The following CDH13 variants were observed in gnomAD, a reference collection of about 807,000 sequenced individuals.
CDH13 encodes cadherin 13, also known as cadherin-13.
CDH13 carries 24 observed loss-of-function variants against 63.8 expected under a neutral mutation model. The ratio of observed to expected loss-of-function variants is 0.38; its 90% CI spans 0.27 to 0.53. The LOEUF is 0.53. Among genes scored for constraint, CDH13 ranks in the 20% least tolerant of loss-of-function variants. The pLI is 0.85. For synonymous variants in CDH13, 503 were observed against 355.3 expected (o/e 1.42, Z -4.67); for missense variants, 1,049 against 903.1 (o/e 1.16, Z -2.07).
intron 3 of CDH13, among the ~76,000 whole-genome samples, chr16:83,070,774 A>T (rs1362796652): frequency 3.3e-5 from 5 of 152,088 alleles, no homozygotes; most frequent in Non-Finnish European, 5.9e-5. Context: ...TTCAAATGTA[A>T]AAACCTAGTT....
chr16:82,897,148 CA>C (rs1458943808), intron 2 of CDH13, among the ~76,000 whole-genome samples: 3 of 151,944 alleles, frequency 2.0e-5, no homozygotes, highest in South Asian at 2.1e-4. Flanking sequence ...AGTTGCCCAT[CA>C]AAAAAGTTTT....
At chr16:83,148,204 C>G (rs773947705) in intron 4 of CDH13, among the ~76,000 whole-genome samples, 2 of 152,208 alleles carry the variant, frequency 1.3e-5, no homozygotes, top group African/African-American at 4.8e-5. Flanking sequence ...TCCCAAAGTG[C>G]TGGGATTACA....
intron 2 of CDH13, among the ~76,000 whole-genome samples, chr16:82,977,359 A>G (rs13331924): frequency 1.3e-5 from 2 of 152,150 alleles, no homozygotes; most frequent in African/African-American, 4.8e-5. Flanking sequence ...AGTCACCCAC[A>G]TGCACACTGA....
intron 10 of CDH13, among the ~76,000 whole-genome samples, chr16:83,746,531 C>T (rs1912599621): frequency 6.6e-6 from 1 of 152,120 alleles, no homozygotes; most frequent in African/African-American, 2.4e-5. Flanking sequence ...TATCTTTTTC[C>T]CGTGAAGACT....
chr16:83,047,886 A>T lies in CDH13; in HGVS notation c.366+15668A>T, dbSNP rs1386931198. Among the ~76,000 whole-genome samples the T allele has an allele frequency of 6.6e-6, 1 of 152,236 alleles. No homozygotes were observed. The highest frequency in any genetic ancestry group is 1.5e-5 in the Non-Finnish European group (1 of 68,044). ...TATTTTATCTTCATTTTACAGGTGA[A>T]TAAAGGAAGACGGGGAGACTATGTG... On this transcript the variant is annotated intron_variant, in intron 3 of 13. Transcript: ENST00000567109. The surrounding 1 kb of genome is among the most constrained non-coding windows in gnomAD (Gnocchi z 4.9).
chr16:82,950,220 A>G (rs1905151089), intron 2 of CDH13, among the ~76,000 whole-genome samples: 1 of 152,106 alleles, frequency 6.6e-6, no homozygotes, highest in South Asian at 2.1e-4. Context: ...GAGGTTTGCT[A>G]GAAACCTTTG....
chr16:82,694,584 A>G (rs925217585), intron 1 of CDH13, among the ~76,000 whole-genome samples: 6 of 152,102 alleles, frequency 3.9e-5, no homozygotes, highest in Non-Finnish European at 8.8e-5. Flanking sequence ...ATTCCCAATC[A>G]TCTTCTAAAA....
chr16:83,572,175 G>GGGGTGT (rs1555575571), intron 7 of CDH13, among the ~76,000 whole-genome samples: 4 of 145,586 alleles, frequency 2.7e-5, no homozygotes, highest in Admixed American at 6.9e-5. Context: ...ACTTTCCTGT[G>GGGGTGT]GTGTGTGTGT....
rs565460863 is a variant in CDH13, at chr16:82,783,604, C to T, written c.46-74758C>T. ...TGCAGTGATTCTTTTCCTCCCTGAG[C>T]TGTCTTGGAGCCAAAGTAAGTTCTT... On this transcript the variant is annotated intron_variant, in intron 1 of 13. Transcript: ENST00000567109. Among the ~76,000 whole-genome samples the T allele has an allele frequency of 2.6e-4, 40 of 152,350 alleles. 1 individual carries two copies. Among genetic ancestry groups the T allele is most frequent in the African/African-American group, 9.1e-4 (38 of 41,576 alleles).
intron 6 of CDH13, among the ~76,000 whole-genome samples, chr16:83,465,334 C>G (rs1836328896): frequency 6.6e-6 from 1 of 152,088 alleles, no homozygotes; most frequent in South Asian, 2.1e-4. Context: ...ACAAGAGGGT[C>G]CCTGAGATAA....
intron 5 of CDH13, among the ~76,000 whole-genome samples, chr16:83,323,881 C>G (rs2090296806): frequency 6.6e-6 from 1 of 152,150 alleles, no homozygotes; most frequent in South Asian, 2.1e-4. Context: ...TATTTCCTCA[C>G]CATCCTCCCT....
At chr16:83,780,698 T>C (rs925459519) in intron 12 of CDH13, among the ~76,000 whole-genome samples, 4 of 152,220 alleles carry the variant, frequency 2.6e-5, no homozygotes, top group African/African-American at 9.6e-5. Flanking sequence ...TCTTCCTCTT[T>C]CTCTTCCTTT....
At chr16:83,440,904 ATGACTG>A (rs1470694128) in intron 6 of CDH13, among the ~76,000 whole-genome samples, 19 of 152,096 alleles carry the variant, frequency 1.2e-4, no homozygotes, top group Non-Finnish European at 2.5e-4. Context: ...AGATGAACCC[ATGACTG>A]TGACCTACCT....
chr16:82,704,836 G>C (rs1328584855), intron 1 of CDH13, among the ~76,000 whole-genome samples: 2 of 152,184 alleles, frequency 1.3e-5, no homozygotes, highest in Non-Finnish European at 2.9e-5. Context: ...GGATTTGTAT[G>C]AAATAAATAG....
At chr16:83,207,267 T>G (rs781314057) in intron 4 of CDH13, among the ~76,000 whole-genome samples, 1 of 152,212 alleles carries the variant, frequency 6.6e-6, no homozygotes, top group African/African-American at 2.4e-5. Flanking sequence ...TGGAATCCTC[T>G]GTTGCACTTT....
chr16:83,011,668 AC>A (rs1164970951), intron 2 of CDH13, among the ~76,000 whole-genome samples: 3 of 152,150 alleles, frequency 2.0e-5, no homozygotes, highest in African/African-American at 7.2e-5. Context: ...ACCAGGGGAC[AC>A]CTGTGTGATC....
At chr16:82,682,079 T>A (rs1914610259) in intron 1 of CDH13, among the ~76,000 whole-genome samples, 1 of 152,194 alleles carries the variant, frequency 6.6e-6, no homozygotes, top group Non-Finnish European at 1.5e-5. Flanking sequence ...AGATAACATG[T>A]ATTGAATTTT....
chr16:83,167,352 C>T lies in CDH13; in HGVS notation c.483+41851C>T, dbSNP rs1345567249. Among the ~76,000 whole-genome samples, 4 of 151,824 alleles carry T rather than the reference C, an allele frequency of 2.6e-5. No individual in the cohort carries two copies. In the East Asian group the frequency reaches 5.8e-4, roughly 22 times the overall value. ...TCTCTACTAAAAATACAAAAATTAG[C>T]TGGGCATGCTGGTGCATACCTGTAA... On this transcript the variant is annotated intron_variant, in intron 4 of 13. Transcript: ENST00000567109.
intron 10 of CDH13, among the ~76,000 whole-genome samples, chr16:83,691,103 TGTGTGTGTGTG>T: frequency 7.2e-6 from 1 of 139,844 alleles, no homozygotes; most frequent in Non-Finnish European, 1.5e-5. Context: ...TGTGTGTGTG[TGTGTGTGTGTG>T]TGTGTCAGAG....
Sources: allele counts gnomAD v4.1 joint callset (sites outside exome capture counted in the v4.1 genomes callset), GRCh38; gene constraint gnomAD v4.1.1; non-coding constraint Gnocchi (gnomAD v3.1); transcripts MANE v1.5; gene names NCBI Gene and HGNC (gene_info 2026-07-23, HGNC 2026-07-21).